ADCY9: variants seen among roughly 807,000 people sequenced by gnomAD.
ADCY9 encodes adenylate cyclase 9.
ADCY9 carries 50 observed loss-of-function variants against 101.5 expected under a neutral mutation model. The observed-to-expected ratio is 0.49, with a 90% CI of 0.39 to 0.62. The LOEUF (loss-of-function observed/expected upper bound fraction) is 0.62. ADCY9 is among the 20% of genes least tolerant of loss of function. The probability of loss-of-function intolerance (pLI) is 0.00; values close to 1 mark genes in which losing one functional copy is unlikely to be tolerated. For missense variants in ADCY9, 1,662 were observed against 1,800.4 expected, an observed-to-expected ratio of 0.92 and a Z score of 1.39; for synonymous variants, 905 against 769.3, an observed-to-expected ratio of 1.18 and a Z score of -2.92.
At chr16:4,026,517 A>G (rs2056516354) in intron 2 of ADCY9, among the ~76,000 whole-genome samples, 1 of 151,966 alleles carries the variant, frequency 6.6e-6, no homozygotes, top group Admixed American at 6.6e-5. Flanking sequence ...ATCAAACCTT[A>G]TGTTTACAAA....
At chr16:4,012,074 A>C (rs1283656107) in intron 2 of ADCY9, among the ~76,000 whole-genome samples, 1 of 152,208 alleles carries the variant, frequency 6.6e-6, no homozygotes, top group African/African-American at 2.4e-5. Context: ...ATTGCTCCTG[A>C]TTTGTTTCTG....
chr16:3,972,051 G>A (rs1597135814), intron 10 of ADCY9, among the ~76,000 whole-genome samples: 1 of 152,142 alleles, frequency 6.6e-6, no homozygotes, highest in Non-Finnish European at 1.5e-5. Context: ...CACAGCATGT[G>A]CACTCAGAAA....
intron 2 of ADCY9, among the ~76,000 whole-genome samples, chr16:4,018,147 G>A (rs759790736): frequency 3.7e-4 from 56 of 152,266 alleles, no homozygotes; most frequent in Non-Finnish European, 4.9e-4. Context: ...CCGAGGCTGC[G>A]GAGCCACCTC....
intron 5 of ADCY9, among the ~76,000 whole-genome samples, chr16:3,954,264 C>T (rs963738783): frequency 6.6e-5 from 10 of 152,158 alleles, no homozygotes; most frequent in African/African-American, 1.9e-4. Context: ...TGGTGAACGA[C>T]GATGCTTCGA....
chr16:4,089,624 G>A (rs867961009), intron 2 of ADCY9, among the ~76,000 whole-genome samples: 9 of 151,936 alleles, frequency 5.9e-5, no homozygotes, highest in African/African-American at 9.7e-5. Flanking sequence ...CGGTAGCTCC[G>A]TGCTTAACCT....
At chr16:4,073,648 G>A (rs374413824) in intron 2 of ADCY9, among the ~76,000 whole-genome samples, 2 of 152,084 alleles carry the variant, frequency 1.3e-5, no homozygotes, top group Non-Finnish European at 2.9e-5. Flanking sequence ...CACCTACCTC[G>A]GCTTCCCAAA....
At chr16:4,045,318 TG>T (rs2056655070) in intron 2 of ADCY9, among the ~76,000 whole-genome samples, 1 of 151,984 alleles carries the variant, frequency 6.6e-6, no homozygotes, top group Admixed American at 6.6e-5. Flanking sequence ...CAAACGCGGC[TG>T]GGCACGGTGG....
chr16:4,012,118 C>A (rs1191400961), intron 2 of ADCY9, among the ~76,000 whole-genome samples: 1 of 152,154 alleles, frequency 6.6e-6, no homozygotes, highest in African/African-American at 2.4e-5. Flanking sequence ...GCTGAATGAC[C>A]AACCCATAGT....
At chr16:4,066,227 G>A (rs1297229644) in intron 2 of ADCY9, among the ~76,000 whole-genome samples, 1 of 152,154 alleles carries the variant, frequency 6.6e-6, no homozygotes, top group African/African-American at 2.4e-5. Context: ...GAAGTTTTAA[G>A]AAGTCTTAAA....
At chr16:3,957,768 C>A (rs879841084), downstream of ADCY9, among the ~76,000 whole-genome samples, 8 of 151,998 alleles carry the variant, frequency 5.3e-5, no homozygotes, top group Non-Finnish European at 1.0e-4. Context: ...ATGTCTGTGC[C>A]CCCGGGCGTC....
chr16:4,001,743 T>A (rs1482687378), intron 3 of ADCY9, among the ~76,000 whole-genome samples: 1 of 117,564 alleles, frequency 8.5e-6, no homozygotes, highest in Non-Finnish European at 1.9e-5. Flanking sequence ...GAGATGGTTT[T>A]TTTTTTTTAT....
chr16:4,022,490 CAAAA>C (rs58498676), intron 2 of ADCY9, among the ~76,000 whole-genome samples: 2 of 65,048 alleles, frequency 3.1e-5, no homozygotes, highest in Non-Finnish European at 5.0e-5. Context: ...GACTCCGTCT[CAAAA>C]AAAAAAAAAA....
At chr16:4,059,652 C>A (rs1314524090) in intron 2 of ADCY9, among the ~76,000 whole-genome samples, 1 of 152,006 alleles carries the variant, frequency 6.6e-6, no homozygotes, top group African/African-American at 2.4e-5. Context: ...AATTGTAGCA[C>A]TTTGGGAGGC....
In ADCY9 at chr16:4,027,537, C is replaced by T. The variant is rs762996642; in HGVS notation, c.1694-19979G>A. ...GAGGAGCAAGTCACGTCTTCCATGACGGCAGGGAAGAGAGAGAGTGTGTGC... is the reference window on the plus strand; with the variant it reads ...GAGGAGCAAGTCACGTCTTCCATGATGGCAGGGAAGAGAGAGAGTGTGTGC... On this transcript the variant is annotated intron_variant, in intron 2 of 10. Coordinates refer to ENST00000294016, the MANE Select transcript of ADCY9 (RefSeq NM_001116.4). 8.1e-4 allele frequency among the ~76,000 whole-genome samples: 123 copies of T among 152,296 alleles called. 1 individual carries two copies. The highest frequency in any genetic ancestry group is 9.4e-4 in the Non-Finnish European group (64 of 68,026).
At chr16:4,076,196 C>T (rs1194432542) in intron 2 of ADCY9, among the ~76,000 whole-genome samples, 1 of 152,120 alleles carries the variant, frequency 6.6e-6, no homozygotes. Context: ...CACAGCAAGA[C>T]CCCCGTCTTA....
intron 2 of ADCY9, among the ~76,000 whole-genome samples, chr16:4,038,143 T>A (rs1475901319): frequency 6.6e-6 from 1 of 152,004 alleles, no homozygotes; most frequent in Non-Finnish European, 1.5e-5. Flanking sequence ...GAGCCAGACG[T>A]GGTGGCACAC....
chr16:4,101,515 G>A (rs1356947070), intron 2 of ADCY9, among the ~76,000 whole-genome samples: 1 of 152,098 alleles, frequency 6.6e-6, no homozygotes, highest in Non-Finnish European at 1.5e-5. Context: ...CTGGACTCAA[G>A]CGATCCTCCT....
chr16:3,974,265 C>T (rs2056075901), intron 10 of ADCY9, among the ~76,000 whole-genome samples: 1 of 151,608 alleles, frequency 6.6e-6, no homozygotes, highest in African/African-American at 2.4e-5. Context: ...AGGATGGTCT[C>T]CATCTCCTGA....
chr16:4,096,673 C>T (rs932033407), intron 2 of ADCY9, among the ~76,000 whole-genome samples: 1 of 152,184 alleles, frequency 6.6e-6, no homozygotes, highest in Non-Finnish European at 1.5e-5. Flanking sequence ...AGGGTACGAA[C>T]TAACTGAATC....
Sources: gnomAD v4.1 joint callset for allele counts (sites outside exome capture counted in the v4.1 genomes callset) on GRCh38, gnomAD v4.1.1 for gene constraint, MANE v1.5 for transcripts, NCBI Gene and HGNC (gene_info 2026-07-23, HGNC 2026-07-21) for gene names.